ZCCHC14: variants seen among roughly 807,000 people sequenced by gnomAD.
The protein encoded by ZCCHC14 is zinc finger CCHC domain-containing protein 14.
In ZCCHC14, 16 loss-of-function variants were observed where a neutral mutation model predicts 85.0. That is an observed-to-expected ratio of 0.19 (90% CI 0.13 to 0.29). The LOEUF is 0.29. Among genes scored for constraint, ZCCHC14 ranks in the 10% least tolerant of loss-of-function variants. ZCCHC14 has a pLI of 1.00. For missense variants in ZCCHC14, 1,303 were observed against 1,443.5 expected, an observed-to-expected ratio of 0.90 and a Z score of 1.58; for synonymous variants, 775 against 630.7, an observed-to-expected ratio of 1.23 and a Z score of -3.43.
At chr16:87,469,092 G>A (rs1911664315) in intron 1 of ZCCHC14, among the ~76,000 whole-genome samples, 1 of 152,124 alleles carries the variant, frequency 6.6e-6, no homozygotes, top group Admixed American at 6.5e-5. Flanking sequence ...ATTTTTGTCT[G>A]TTTTTTTGGA....
At chr16:87,458,656 G>C (rs1911096257) in intron 2 of ZCCHC14, among the ~76,000 whole-genome samples, 1 of 152,222 alleles carries the variant, frequency 6.6e-6, no homozygotes, top group African/African-American at 2.4e-5. Context: ...AAACAAAGCA[G>C]TTATGAAGCC....
intron 1 of ZCCHC14, among the ~76,000 whole-genome samples, chr16:87,480,209 C>A (rs1364992417): frequency 6.6e-6 from 1 of 152,052 alleles, no homozygotes; most frequent in East Asian, 2.0e-4. Context: ...GGAGACCATC[C>A]TGGCTAACAC....
At chr16:87,424,574 C>G (rs887618672) in intron 3 of ZCCHC14, among the ~76,000 whole-genome samples, 2 of 152,152 alleles carry the variant, frequency 1.3e-5, no homozygotes, top group African/African-American at 2.4e-5. Flanking sequence ...AGGTCCATCT[C>G]CCCACATGCA....
intron 2 of ZCCHC14, among the ~76,000 whole-genome samples, chr16:87,435,687 C>T (rs1909888241): frequency 6.6e-6 from 1 of 152,290 alleles, no homozygotes; most frequent in Non-Finnish European, 1.5e-5. Context: ...CTCCCAGCGG[C>T]ACCACCTGCT....
At chr16:87,450,756 A>G (rs117014413) in intron 2 of ZCCHC14, among the ~76,000 whole-genome samples, 2,466 of 152,018 alleles carry the variant, frequency 0.016, 25 homozygotes, top group Middle Eastern at 0.048. Context: ...GATTTTCACC[A>G]TGTTGCCCAG....
At chr16:87,433,730 C>A (rs780661274) in intron 2 of ZCCHC14, among the ~76,000 whole-genome samples, 30 of 152,080 alleles carry the variant, frequency 2.0e-4, no homozygotes, top group Non-Finnish European at 5.9e-5. Context: ...CAACCTCTGC[C>A]TCCTGGGTTC....
chr16:87,483,825 A>C, intron 1 of ZCCHC14, among the ~76,000 whole-genome samples: 1 of 152,198 alleles, frequency 6.6e-6, no homozygotes, highest in East Asian at 1.9e-4. Flanking sequence ...TTTCTACTCC[A>C]CAGGTAGACT....
At chr16:87,445,769 C>G (rs1255219803) in intron 2 of ZCCHC14, among the ~76,000 whole-genome samples, 3 of 152,190 alleles carry the variant, frequency 2.0e-5, no homozygotes, top group Non-Finnish European at 4.4e-5. Context: ...CAGCATATCA[C>G]AAACATTTTT....
At position 87,412,785 on chromosome 16, in the gene ZCCHC14, T is replaced by A; in HGVS notation, c.1936A>T (p.Met646Leu). Residue 646 changes from methionine (M) to leucine (L), a missense_variant, in exon 12 of 13, where the codon ATG becomes TTG. Met to Leu is a conservative substitution (Grantham distance 15, BLOSUM62 2). This residue lies in a region of ZCCHC14 where 797 missense variants were observed against 730.8 expected (regional missense o/e 1.09). Transcript: ENST00000671377. The part of the protein sequence containing the change: ...SAASHITPIR[M>L]LNSVHKPERG... ...TCCGGCTTGTGCACGGAATTCAGCA[T>A]GCGGATGGGTGTGATGTGTGAGGCT... 6.2e-7 allele frequency: 1 copy of A among 1,613,718 alleles called. No individual in the cohort carries two copies. The highest frequency in any genetic ancestry group is 8.5e-7 in the Non-Finnish European group (1 of 1,179,764).
intron 3 of ZCCHC14, among the ~76,000 whole-genome samples, chr16:87,429,161 G>C (rs1178938181): frequency 3.9e-5 from 6 of 152,196 alleles, no homozygotes; most frequent in Non-Finnish European, 8.8e-5. Flanking sequence ...ATCAGTGAAT[G>C]TGATTCTAGC....
chr16:87,415,624 T>C (rs1198717129), intron 8 of ZCCHC14, among the ~76,000 whole-genome samples: 1 of 152,232 alleles, frequency 6.6e-6, no homozygotes, highest in African/African-American at 2.4e-5. Flanking sequence ...GTGCAGGCTG[T>C]GTGGATGGGT....
intron 2 of ZCCHC14, among the ~76,000 whole-genome samples, chr16:87,454,534 G>C (rs1359844771): frequency 1.3e-5 from 2 of 152,186 alleles, no homozygotes; most frequent in African/African-American, 4.8e-5. Context: ...TAATTAGCCA[G>C]AATGAAGGCA....
rs551285359 is a variant in ZCCHC14 at position 87,492,917 on chromosome 16, GCGGCGA to G, written c.-685_-680del. On this transcript the variant is annotated 5_prime_UTR_variant, in exon 1 of 13. Transcript: ENST00000671377. This position sits in a 1 kb window ranked among gnomAD's most constrained non-coding sequence, Gnocchi z 6.7. ...GGATCCGGGCCCGAGCGCGGCGGCG[GCGGCGA>G]CGGCGACGGCGACGGCGACGGCGAC... Among the ~76,000 whole-genome samples the G allele has an allele frequency of 4.1e-3, 602 of 145,316 alleles. 2 individuals carry two copies. Among genetic ancestry groups the G allele is most frequent in the East Asian group, 0.014 (63 of 4,604 alleles).
chr16:87,478,848 GC>G (rs1475226932), intron 1 of ZCCHC14, among the ~76,000 whole-genome samples: 2 of 151,818 alleles, frequency 1.3e-5, no homozygotes, highest in Non-Finnish European at 2.9e-5. Flanking sequence ...CTTGTGATCC[GC>G]CCGCCTCGGC....
At chr16:87,423,684 A>T (rs1597406501) in intron 4 of ZCCHC14, 126 bp downstream of exon 4, 6 of 1,023,382 alleles carry the variant, frequency 5.9e-6, no homozygotes, top group Non-Finnish European at 8.7e-6. Flanking sequence ...GCTGGGCAGG[A>T]GGCCCCGCCC....
intron 2 of ZCCHC14, among the ~76,000 whole-genome samples, chr16:87,454,989 G>T (rs1479753111): frequency 6.6e-6 from 1 of 152,170 alleles, no homozygotes; most frequent in African/African-American, 2.4e-5. Flanking sequence ...ACATCAGCGG[G>T]CTTTAAAAAA....
At chr16:87,471,342 G>C (rs1555524773) in intron 1 of ZCCHC14, 1 of 152,196 alleles carries the variant, frequency 6.6e-6, no homozygotes, top group Non-Finnish European at 1.5e-5. Context: ...TGCTGACTTA[G>C]ACCAAGTGAA....
chr16:87,428,865 G>C (rs781157793), intron 3 of ZCCHC14, among the ~76,000 whole-genome samples: 6 of 150,750 alleles, frequency 4.0e-5, no homozygotes, highest in Non-Finnish European at 8.9e-5. Context: ...GAGTATCTCA[G>C]TTGTCCATTC....
chr16:87,439,577 G>C (rs1335027172), intron 2 of ZCCHC14, among the ~76,000 whole-genome samples: 1 of 152,210 alleles, frequency 6.6e-6, no homozygotes, highest in Non-Finnish European at 1.5e-5. Context: ...ATTAAATCTT[G>C]AGATAGACAC....
Sources: gnomAD v4.1 joint callset for allele counts (sites outside exome capture counted in the v4.1 genomes callset) on GRCh38, gnomAD v4.1.1 for gene constraint, gnomAD v4.1.1 regional missense constraint, Gnocchi (gnomAD v3.1) non-coding constraint, MANE v1.5 for transcripts, NCBI Gene and HGNC (gene_info 2026-07-23, HGNC 2026-07-21) for gene names.